Variants in IL1RAPL2 observed in about 807,000 individuals in gnomAD.
The protein encoded by IL1RAPL2 is interleukin 1 receptor accessory protein like 2, also known as X-linked interleukin-1 receptor accessory protein-like 2.
In IL1RAPL2, 3 loss-of-function variants were observed where a neutral mutation model predicts 44.1. The ratio of observed to expected loss-of-function variants is 0.07; its 90% CI spans 0.03 to 0.18. IL1RAPL2 has a LOEUF of 0.18. Among genes scored for constraint, IL1RAPL2 ranks in the 10% least tolerant of loss-of-function variants. The pLI is 1.00. For missense variants in IL1RAPL2, 391 were observed against 496.4 expected, an observed-to-expected ratio of 0.79 and a Z score of 2.02; for synonymous variants, 181 against 178.8, an observed-to-expected ratio of 1.01 and a Z score of -0.10.
chrX:105,638,911 G>A (rs1446705254), intron 6 of IL1RAPL2, among the ~76,000 whole-genome samples: 1 of 111,470 alleles, frequency 9.0e-6, no homozygotes, highest in Non-Finnish European at 1.9e-5. Context: ...GAATCATCCA[G>A]GAGTTACGCC....
chrX:105,580,093 G>C, intron 6 of IL1RAPL2, among the ~76,000 whole-genome samples: 1 of 111,853 alleles, frequency 8.9e-6, no homozygotes, highest in Middle Eastern at 4.6e-3. Flanking sequence ...TCCACACTCA[G>C]TAGATGTGTT....
At chrX:105,400,518 C>T (rs765201495) in intron 5 of IL1RAPL2, among the ~76,000 whole-genome samples, 2 of 111,471 alleles carry the variant, frequency 1.8e-5, no homozygotes, top group East Asian at 2.8e-4. Flanking sequence ...TAGCCCAGTA[C>T]TTGATTCACA....
intron 6 of IL1RAPL2, among the ~76,000 whole-genome samples, chrX:105,696,226 C>A (rs912448996): frequency 3.2e-4 from 36 of 111,943 alleles, no homozygotes; most frequent in African/African-American, 1.2e-3. Context: ...AAAACAGTAT[C>A]AAATTGGTCA....
At chrX:105,297,632 AG>A (rs967595058) in intron 5 of IL1RAPL2, among the ~76,000 whole-genome samples, 1 of 110,899 alleles carries the variant, frequency 9.0e-6, no homozygotes, top group African/African-American at 3.3e-5. Context: ...CACTATCACA[AG>A]AACAGGGTGG....
intron 6 of IL1RAPL2, among the ~76,000 whole-genome samples, chrX:105,496,506 C>G (rs1203358163): frequency 8.9e-6 from 1 of 112,382 alleles, no homozygotes; most frequent in Non-Finnish European, 1.9e-5. Context: ...AACAATAGTA[C>G]CTCATATTTA....
intron 2 of IL1RAPL2, among the ~76,000 whole-genome samples, chrX:104,973,322 G>A (rs2030270909): frequency 8.9e-6 from 1 of 112,044 alleles, no homozygotes; most frequent in East Asian, 2.8e-4. Flanking sequence ...GGGAATGGAG[G>A]TGGTCAGGCA....
chrX:105,447,380 TATATAA>T (rs1266901068), intron 5 of IL1RAPL2, among the ~76,000 whole-genome samples: 3 of 66,243 alleles, frequency 4.5e-5, no homozygotes, highest in Non-Finnish European at 7.2e-5. Flanking sequence ...AATATATAAA[TATATAA>T]ATATAAATAT....
intron 2 of IL1RAPL2, among the ~76,000 whole-genome samples, chrX:104,861,165 A>G (rs1206476290): frequency 8.9e-6 from 1 of 111,981 alleles, no homozygotes; most frequent in Non-Finnish European, 1.9e-5. Flanking sequence ...CTGACTGGAA[A>G]AGGTTCCAAA....
At chrX:104,992,771 A>G (rs1434071133) in intron 2 of IL1RAPL2, among the ~76,000 whole-genome samples, 1 of 111,250 alleles carries the variant, frequency 9.0e-6, no homozygotes, top group Non-Finnish European at 1.9e-5. Flanking sequence ...CAAAATCCAA[A>G]CAACCTTTCA....
At chrX:104,685,488 A>G (rs1225351699) in intron 2 of IL1RAPL2, among the ~76,000 whole-genome samples, 2 of 111,455 alleles carry the variant, frequency 1.8e-5, no homozygotes, top group East Asian at 2.8e-4. Context: ...TAAATCTGAT[A>G]TATGCAATAG....
At chrX:105,074,190 C>G (rs1307205494) in intron 2 of IL1RAPL2, among the ~76,000 whole-genome samples, 3 of 111,914 alleles carry the variant, frequency 2.7e-5, no homozygotes, top group African/African-American at 9.8e-5. Context: ...ACATTTAAGT[C>G]TTCAATCCAT....
chrX:104,821,842 C>A (rs1407751376), intron 2 of IL1RAPL2, among the ~76,000 whole-genome samples: 1 of 112,082 alleles, frequency 8.9e-6, no homozygotes, highest in Non-Finnish European at 1.9e-5. Flanking sequence ...AATGGTTGAA[C>A]TAATTTGCAC....
At chrX:105,420,938 A>G (rs1273985402) in intron 5 of IL1RAPL2, among the ~76,000 whole-genome samples, 1 of 111,901 alleles carries the variant, frequency 8.9e-6, no homozygotes, top group African/African-American at 3.2e-5. Context: ...AGACAATCAC[A>G]TCACTGGGAA....
chrX:105,371,302 T>C (rs180761131), intron 5 of IL1RAPL2, among the ~76,000 whole-genome samples: 2 of 112,305 alleles, frequency 1.8e-5, no homozygotes, highest in Admixed American at 1.9e-4. Context: ...ATGAAATCTT[T>C]GCAAGGGCTG....
At chrX:104,672,383 G>A (rs1055585718) in intron 2 of IL1RAPL2, among the ~76,000 whole-genome samples, 6 of 110,724 alleles carry the variant, frequency 5.4e-5, no homozygotes, top group African/African-American at 1.3e-4. Flanking sequence ...TACTGAGAAT[G>A]ATGTTTTCCA....
chrX:105,027,810 A>G (rs1405628953), intron 2 of IL1RAPL2, among the ~76,000 whole-genome samples: 1 of 111,801 alleles, frequency 8.9e-6, no homozygotes, highest in Non-Finnish European at 1.9e-5. Context: ...CATATGATCC[A>G]GCAATCTCAC....
intron 2 of IL1RAPL2, among the ~76,000 whole-genome samples, chrX:104,707,889 A>T (rs1931388358): frequency 9.0e-6 from 1 of 111,610 alleles, no homozygotes; most frequent in South Asian, 3.7e-4. Context: ...TTTGAAATTC[A>T]TCCCACAGTA....
intron 4 of IL1RAPL2, among the ~76,000 whole-genome samples, chrX:105,248,923 A>C (rs1190121197): frequency 9.0e-6 from 1 of 111,553 alleles, no homozygotes; most frequent in Non-Finnish European, 1.9e-5. Context: ...ACCCCTATGG[A>C]GAACAGTTTG....
chrX:104,969,984 G>T (rs1180965595), intron 2 of IL1RAPL2, among the ~76,000 whole-genome samples: 1 of 109,829 alleles, frequency 9.1e-6, no homozygotes, highest in Admixed American at 9.8e-5. Flanking sequence ...GTTTAAATTG[G>T]TGCATTTACT....
Sources: gnomAD v4.1 joint callset for allele counts (sites outside exome capture counted in the v4.1 genomes callset) on GRCh38, gnomAD v4.1.1 for gene constraint, MANE v1.5 for transcripts, NCBI Gene and HGNC (gene_info 2026-07-23, HGNC 2026-07-21) for gene names.